The following RYK variants were observed in gnomAD, a reference collection of about 807,000 sequenced individuals.
The protein encoded by RYK is receptor like tyrosine kinase, also known as inactive tyrosine-protein kinase RYK.
RYK carries 21 observed loss-of-function variants against 70.2 expected under a neutral mutation model. The ratio of observed to expected loss-of-function variants is 0.30; its 90% CI spans 0.21 to 0.43. RYK has a LOEUF of 0.43. Among genes scored for constraint, RYK ranks in the 20% least tolerant of loss-of-function variants. The pLI is 1.00. For synonymous variants in RYK, 267 were observed against 278.0 expected, an observed-to-expected ratio of 0.96 and a Z score of 0.39; for missense variants, 604 against 753.3, an observed-to-expected ratio of 0.80 and a Z score of 2.32.
intron 5 of RYK, among the ~76,000 whole-genome samples, chr3:134,206,841 ACT>A (rs946883399): frequency 9.2e-5 from 14 of 152,166 alleles, no homozygotes; most frequent in African/African-American, 2.9e-4. Flanking sequence ...ATCAAAGCGT[ACT>A]CTGAACTTTT....
In RYK at chr3:134,195,197, T is replaced by C; in HGVS notation, c.789-15A>G. ...TGGCACTAATGCTGCAAACAATTTT[T>C]GAGAGAAATATTTGACAAGTCAGTT... On this transcript the variant is annotated splice_polypyrimidine_tract_variant and intron_variant, in intron 6 of 14. Transcript: ENST00000623711. 2 of 1,582,690 alleles carry C rather than the reference T, an allele frequency of 1.3e-6. No individual in the cohort carries two copies. The highest frequency in any genetic ancestry group is 2.2e-5 in the South Asian group (2 of 89,022).
intron 6 of RYK, among the ~76,000 whole-genome samples, chr3:134,197,507 T>C (rs1305184854): frequency 2.0e-5 from 3 of 152,238 alleles, no homozygotes; most frequent in Non-Finnish European, 1.5e-5. Context: ...TTATTGTTAC[T>C]AATTTATAGT....
chr3:134,233,158 T>C (rs1422717199), intron 1 of RYK, among the ~76,000 whole-genome samples: 1 of 152,240 alleles, frequency 6.6e-6, no homozygotes, highest in Non-Finnish European at 1.5e-5. Context: ...ACATAAGCCA[T>C]GCTAAATGGT....
intron 1 of RYK, among the ~76,000 whole-genome samples, chr3:134,226,499 C>G (rs1004892885): frequency 6.6e-6 from 1 of 152,014 alleles, no homozygotes; most frequent in African/African-American, 2.4e-5. Context: ...TCTGATGAGG[C>G]CAGCAGCATC....
At chr3:134,159,054 T>C (rs1419174975) in intron 14 of RYK, among the ~76,000 whole-genome samples, 183 bp downstream of exon 14, 1 of 152,216 alleles carries the variant, frequency 6.6e-6, no homozygotes, top group Non-Finnish European at 1.5e-5. Context: ...TAATATCAAA[T>C]GCATGAAAGA....
rs75615597 is a variant in RYK, at chr3:134,174,347, G to A, written c.1575+1262C>T. Among the ~76,000 whole-genome samples, 13 of 152,254 alleles carry A rather than the reference G, an allele frequency of 8.5e-5. No individual in the cohort carries two copies. The East Asian group carries it at 1.5e-3, about 18-fold the overall frequency. Reference sequence around the variant, plus strand: ...AGCAGCCACAGAAAACTCATACACCGAGGAAATGAGTATATACCAATTAAT... The same window carrying A: ...AGCAGCCACAGAAAACTCATACACCAAGGAAATGAGTATATACCAATTAAT... On this transcript the variant is annotated intron_variant, in intron 13 of 14. Transcript: ENST00000623711.
At chr3:134,216,064 TAAAAG>T (rs2014543599) in intron 2 of RYK, among the ~76,000 whole-genome samples, 1 of 138,842 alleles carries the variant, frequency 7.2e-6, no homozygotes, top group South Asian at 2.3e-4. Context: ...AAAAAGAAAA[TAAAAG>T]GAAAGGAAAA....
Position 134,228,292 on chromosome 3 carries a change from A to AG in RYK, c.233-5754dup, listed in dbSNP as rs143231091. On this transcript the variant is annotated intron_variant, in intron 1 of 14. Coordinates refer to ENST00000623711, the MANE Select transcript of RYK (RefSeq NM_002958.4). Reference sequence around the variant, plus strand: ...GAAGATAGAACAAGACTCTGTGTGTAGGGGGAAAAAAAAATAACTACCATA... The same window carrying AG: ...GAAGATAGAACAAGACTCTGTGTGTAGGGGGGAAAAAAAAATAACTACCATA... 6.9e-3 allele frequency among the ~76,000 whole-genome samples: 1,050 copies of AG among 152,146 alleles called. 18 individuals are homozygous for AG. The highest frequency in any genetic ancestry group is 0.023 in the African/African-American group (970 of 41,490).
At chr3:134,165,039 A>G (rs1051154104) in intron 13 of RYK, among the ~76,000 whole-genome samples, 1 of 152,242 alleles carries the variant, frequency 6.6e-6, no homozygotes, top group Admixed American at 6.5e-5. Context: ...GACCAAGGCA[A>G]AAAGGGTGTA....
At chr3:134,195,558 AAGAC>A (rs1248428747) in intron 6 of RYK, among the ~76,000 whole-genome samples, 3 of 152,252 alleles carry the variant, frequency 2.0e-5, no homozygotes, top group Non-Finnish European at 1.5e-5. Flanking sequence ...AAGAAGAAGA[AAGAC>A]AGGCCTCTTT....
chr3:134,199,024 G>A (rs962079535), intron 6 of RYK, among the ~76,000 whole-genome samples: 3 of 152,186 alleles, frequency 2.0e-5, no homozygotes, highest in Non-Finnish European at 4.4e-5. Flanking sequence ...GACTACAGTA[G>A]AGACACGCTG....
Position 134,158,879 on chromosome 3 carries a change from GT to G in RYK, c.1712+357del, listed in dbSNP as rs1280605606. 5.9e-5 allele frequency among the ~76,000 whole-genome samples: 9 copies of G among 152,202 alleles called. No individual in the cohort carries two copies. The East Asian group carries it at 1.7e-3, about 29-fold the overall frequency. On this transcript the variant is annotated intron_variant, in intron 14 of 14. Coordinates refer to ENST00000623711, the MANE Select transcript of RYK (RefSeq NM_002958.4). ...GCAAGGCAAAATGACAACGAGAGAGGTTTTTTATAACTACTATGTCCTTTAT... is the reference window on the plus strand; with the variant it reads ...GCAAGGCAAAATGACAACGAGAGAGGTTTTTATAACTACTATGTCCTTTAT...
intron 1 of RYK, among the ~76,000 whole-genome samples, chr3:134,233,142 G>A (rs1326088018): frequency 6.6e-6 from 1 of 152,186 alleles, no homozygotes; most frequent in Non-Finnish European, 1.5e-5. Flanking sequence ...ACTCTCTTCT[G>A]AGGCAACATA....
intron 13 of RYK, among the ~76,000 whole-genome samples, chr3:134,162,511 T>C (rs911281250): frequency 1.3e-5 from 2 of 152,162 alleles, no homozygotes; most frequent in African/African-American, 4.8e-5. Context: ...TTTCAAAATC[T>C]CCACAGAGTC....
chr3:134,229,938 A>G (rs987936931), intron 1 of RYK, among the ~76,000 whole-genome samples: 2 of 152,358 alleles, frequency 1.3e-5, no homozygotes, highest in South Asian at 2.1e-4. Flanking sequence ...CACATTGCTA[A>G]GAGTGTAAAA....
At chr3:134,237,743 T>C (rs543740027) in intron 1 of RYK, among the ~76,000 whole-genome samples, 1 of 152,312 alleles carries the variant, frequency 6.6e-6, no homozygotes, top group African/African-American at 2.4e-5. Context: ...AATGTCCCTC[T>C]CCTCAGCCGC....
At chr3:134,195,644 C>A (rs974128411) in intron 6 of RYK, among the ~76,000 whole-genome samples, 2 of 152,138 alleles carry the variant, frequency 1.3e-5, no homozygotes, top group Non-Finnish European at 2.9e-5. Context: ...CCAACATGCT[C>A]GGAGCTTAGA....
intron 13 of RYK, among the ~76,000 whole-genome samples, chr3:134,173,822 C>A (rs774448434): frequency 6.6e-6 from 1 of 152,136 alleles, no homozygotes; most frequent in Non-Finnish European, 1.5e-5. Context: ...GAATTTTCCC[C>A]TTTCTCAAAT....
chr3:134,168,347 G>A (rs1346801870), intron 13 of RYK, among the ~76,000 whole-genome samples: 5 of 152,044 alleles, frequency 3.3e-5, no homozygotes, highest in Admixed American at 6.6e-5. Context: ...CACTATTCAC[G>A]ACAGCAAAGA....
Sources: allele counts gnomAD v4.1 joint callset (sites outside exome capture counted in the v4.1 genomes callset), GRCh38; gene constraint gnomAD v4.1.1; transcripts MANE v1.5; gene names NCBI Gene and HGNC (gene_info 2026-07-23, HGNC 2026-07-21).